The following PAPPA2 variants were observed in gnomAD, a reference collection of about 807,000 sequenced individuals.
PAPPA2 encodes the protein pappalysin 2.
A neutral mutation model predicts 176.4 loss-of-function variants in PAPPA2; 86 were observed. That is an observed-to-expected ratio of 0.49 (90% CI 0.41 to 0.58). The LOEUF (loss-of-function observed/expected upper bound fraction) is 0.58, where lower values mean the gene tolerates loss of function less well. Ranked by LOEUF, PAPPA2 falls within the 20% of genes least tolerant of loss-of-function variation. PAPPA2 has a pLI of 0.00. For synonymous variants in PAPPA2, 809 were observed against 852.2 expected (o/e 0.95, Z 0.88); for missense variants, 2,073 against 2,256.9 (o/e 0.92, Z 1.65).
intron 14 of PAPPA2, among the ~76,000 whole-genome samples, chr1:176,753,920 T>C (rs1379607115): frequency 1.3e-5 from 2 of 151,878 alleles, no homozygotes; most frequent in Non-Finnish European, 2.9e-5. Flanking sequence ...GAAAACCCAC[T>C]AGAGAGGATT....
At chr1:176,689,245 A>G (rs527299162) in intron 4 of PAPPA2, among the ~76,000 whole-genome samples, 34 of 152,334 alleles carry the variant, frequency 2.2e-4, no homozygotes, top group Non-Finnish European at 3.8e-4. Flanking sequence ...CCAACAAGCT[A>G]CACAGATAGA....
chr1:176,529,867 TC>T (rs891116245), intron 1 of PAPPA2, among the ~76,000 whole-genome samples: 2 of 152,154 alleles, frequency 1.3e-5, no homozygotes, highest in African/African-American at 4.8e-5. Flanking sequence ...CAAGTTTTTT[TC>T]CCCCTGATTT....
intron 12 of PAPPA2, among the ~76,000 whole-genome samples, chr1:176,736,143 C>T (rs1662399802): frequency 6.6e-6 from 1 of 151,922 alleles, no homozygotes; most frequent in Non-Finnish European, 1.5e-5. Flanking sequence ...AGAGCTTTGT[C>T]ATTAAGAGGA....
chr1:176,556,822 C>T lies in PAPPA2; in HGVS notation c.500C>T (p.Ala167Val). The T allele has an allele frequency of 6.2e-7, 1 of 1,614,056 alleles. No homozygotes were observed. Among genetic ancestry groups the T allele is most frequent in the Non-Finnish European group, 8.5e-7 (1 of 1,180,010 alleles). Residue 167 changes from alanine (A) to valine (V), a missense_variant, in exon 2 of 23, where the codon GCC (alanine) becomes GTC (valine). Around this residue, in one of 4 missense-constraint regions of PAPPA2, gnomAD observed 1,196 missense variants for 1,330.4 expected, o/e 0.90. Transcript: ENST00000367662. ...LGEAGIQKGS[A>V]MAATTTTAIF... ...GAGGCCGGGATTCAGAAAGGCTCAGCCATGGCTGCCACTACTACCACCGCC... is the reference window on the plus strand; with the variant it reads ...GAGGCCGGGATTCAGAAAGGCTCAGTCATGGCTGCCACTACTACCACCGCC...
intron 12 of PAPPA2, among the ~76,000 whole-genome samples, chr1:176,717,187 C>G (rs1394655876): frequency 6.6e-6 from 1 of 152,124 alleles, no homozygotes; most frequent in Non-Finnish European, 1.5e-5. Flanking sequence ...GTTTTGTAAG[C>G]ATTGGTTAGG....
At chr1:176,562,598 C>T (rs974406403) in intron 2 of PAPPA2, among the ~76,000 whole-genome samples, 1 of 152,240 alleles carries the variant, frequency 6.6e-6, no homozygotes, top group Non-Finnish European at 1.5e-5. Context: ...TAGAACTCTG[C>T]TCCCTGGTTA....
At chr1:176,554,863 G>A (rs533899921) in intron 1 of PAPPA2, among the ~76,000 whole-genome samples, 5 of 152,098 alleles carry the variant, frequency 3.3e-5, no homozygotes, top group African/African-American at 9.6e-5. Flanking sequence ...ATTGAACAAA[G>A]TAAGAAAAAA....
At chr1:176,764,757 C>T (rs960897294) in intron 14 of PAPPA2, among the ~76,000 whole-genome samples, 2 of 152,142 alleles carry the variant, frequency 1.3e-5, no homozygotes, top group Non-Finnish European at 2.9e-5. Flanking sequence ...CAACCACATC[C>T]GGCTAATTGT....
intron 2 of PAPPA2, among the ~76,000 whole-genome samples, chr1:176,576,790 T>C (rs1338659353): frequency 2.0e-5 from 3 of 152,248 alleles, no homozygotes; most frequent in Non-Finnish European, 4.4e-5. Context: ...GGGTTGTTCA[T>C]ATCCACAGTA....
intron 1 of PAPPA2, among the ~76,000 whole-genome samples, chr1:176,496,870 A>G (rs1572969679): frequency 6.6e-6 from 1 of 152,222 alleles, no homozygotes; most frequent in Admixed American, 6.5e-5. Flanking sequence ...CCACGGTCAC[A>G]TTACTCAAGA....
At chr1:176,802,924 C>T (rs1571349582) in intron 21 of PAPPA2, among the ~76,000 whole-genome samples, 1 of 152,346 alleles carries the variant, frequency 6.6e-6, no homozygotes, top group East Asian at 1.9e-4. Context: ...ATAATTCCAT[C>T]TTCTTATGTT....
Position 176,842,691 on chromosome 1 carries a change from C to A in PAPPA2, c.*237C>A, listed in dbSNP as rs1000808738. On this transcript the variant is annotated 3_prime_UTR_variant, in exon 23 of 23. Coordinates refer to ENST00000367662, the MANE Select transcript of PAPPA2 (RefSeq NM_020318.3). ...TTTCTTTAAAGTGGCAGTTGATTAA[C>A]ATGGAAGGGGAAATATGATAGATAT... 1.3e-5 allele frequency: 7 copies of A among 522,188 alleles called. No individual in the cohort carries two copies. The highest frequency in any genetic ancestry group is 7.7e-5 in the African/African-American group (4 of 51,778). 32.3% of individuals were successfully genotyped at this position (522,188 alleles called of 1,614,324 possible).
intron 2 of PAPPA2, among the ~76,000 whole-genome samples, chr1:176,579,969 G>A (rs1652867515): frequency 6.6e-6 from 1 of 152,152 alleles, no homozygotes; most frequent in Non-Finnish European, 1.5e-5. Context: ...TGAGTAATTA[G>A]CATTTCCTTC....
chr1:176,571,919 G>A (rs1652363861), intron 2 of PAPPA2, among the ~76,000 whole-genome samples: 1 of 152,148 alleles, frequency 6.6e-6, no homozygotes, highest in African/African-American at 2.4e-5. Context: ...TCAGGGTATG[G>A]GATAGTGAGA....
At chr1:176,519,688 T>C (rs1649110310) in intron 1 of PAPPA2, among the ~76,000 whole-genome samples, 1 of 152,186 alleles carries the variant, frequency 6.6e-6, no homozygotes, top group African/African-American at 2.4e-5. Context: ...CATGACTGCC[T>C]ATCACCTGTC....
chr1:176,628,509 G>T (rs1376227436), intron 3 of PAPPA2, among the ~76,000 whole-genome samples: 2 of 152,094 alleles, frequency 1.3e-5, no homozygotes, highest in East Asian at 3.9e-4. Context: ...AATAGAAAAT[G>T]ATGTGAAAAA....
At chr1:176,720,875 A>G (rs1415871685) in intron 12 of PAPPA2, among the ~76,000 whole-genome samples, 4 of 152,224 alleles carry the variant, frequency 2.6e-5, no homozygotes, top group African/African-American at 4.8e-5. Flanking sequence ...CAAGTCCCAG[A>G]GTCCAAAGGC....
chr1:176,679,450 A>AT (rs1279394843), intron 4 of PAPPA2, among the ~76,000 whole-genome samples: 1 of 152,164 alleles, frequency 6.6e-6, no homozygotes, highest in Non-Finnish European at 1.5e-5. Context: ...TGATACTATC[A>AT]TTTTTCTGTT....
intron 1 of PAPPA2, among the ~76,000 whole-genome samples, chr1:176,466,081 C>T (rs928876516): frequency 9.2e-5 from 14 of 152,058 alleles, no homozygotes; most frequent in Non-Finnish European, 1.8e-4. Flanking sequence ...ATAATACATG[C>T]GTGTTTAACA....
Sources: allele counts gnomAD v4.1 joint callset (sites outside exome capture counted in the v4.1 genomes callset), GRCh38; gene constraint gnomAD v4.1.1; regional missense constraint gnomAD v4.1.1; transcripts MANE v1.5; gene names NCBI Gene and HGNC (gene_info 2026-07-23, HGNC 2026-07-21).